The following MYO3A variants were observed in gnomAD, a reference collection of about 807,000 sequenced individuals.
MYO3A encodes the protein myosin IIIA.
Under a neutral mutation model 192.7 loss-of-function variants are expected in MYO3A, and 180 were observed. That is an observed-to-expected ratio of 0.93 (90% confidence interval 0.83 to 1.06). The LOEUF is 1.06. Among genes scored for constraint, MYO3A ranks in the 50% least tolerant of loss-of-function variants. The probability of loss-of-function intolerance (pLI) is 0.00; values close to 1 mark genes in which losing one functional copy is unlikely to be tolerated. For missense variants in MYO3A, 1,896 were observed against 1,905.0 expected, an observed-to-expected ratio of 1.00 and a Z score of 0.09; for synonymous variants, 628 against 645.3, an observed-to-expected ratio of 0.97 and a Z score of 0.41.
intron 34 of MYO3A, among the ~76,000 whole-genome samples, chr10:26,211,531 T>C (rs931497817): frequency 6.6e-6 from 1 of 152,228 alleles, no homozygotes; most frequent in East Asian, 1.9e-4. Context: ...ATTTGTTTAT[T>C]GGTTGTGAAT....
chr10:26,207,696 T>C (rs536224208), intron 34 of MYO3A, among the ~76,000 whole-genome samples: 2 of 152,372 alleles, frequency 1.3e-5, no homozygotes, highest in African/African-American at 4.8e-5. Flanking sequence ...TAGTTTGAAA[T>C]CAGATAGTGT....
Position 26,128,490 on chromosome 10 carries a change from T to C in MYO3A, c.2214T>C (p.Asn738=), listed in dbSNP as rs34803755. 218 of 1,612,856 alleles carry C rather than the reference T, an allele frequency of 1.4e-4. No homozygotes were observed. In the African/African-American group the frequency reaches 2.7e-3, roughly 20 times the overall value. Residue 738 remains asparagine, a synonymous_variant, in exon 20 of 35, where the codon AAT becomes AAC. Transcript: ENST00000642920. ...AGCAGCTGTGCATTAACATTGCAAA[T>C]GAACAAATTCAGTATTATTATAATC... The part of the protein sequence containing the change: ...SFEQLCINIA[N]EQIQYYYNQH...
chr10:26,009,869 G>T (rs1841509882), intron 6 of MYO3A, among the ~76,000 whole-genome samples: 1 of 152,158 alleles, frequency 6.6e-6, no homozygotes, highest in Non-Finnish European at 1.5e-5. Context: ...AGAAATTGTG[G>T]TGGGCAGGAG....
chr10:26,119,482 A>G (rs918698175), intron 17 of MYO3A, among the ~76,000 whole-genome samples: 7 of 152,146 alleles, frequency 4.6e-5, no homozygotes, highest in Admixed American at 2.0e-4. Context: ...TTTGTTGTTT[A>G]TGTATTTATT....
In MYO3A at chr10:26,176,728, A is replaced by G. The variant is rs1312396929; in HGVS notation, c.4321A>G (p.Ile1441Val). The G allele has an allele frequency of 1.2e-6, 2 of 1,610,726 alleles. No homozygotes were observed. The highest frequency in any genetic ancestry group is 1.7e-5 in the Admixed American group (1 of 60,000). Reference protein sequence around the residue: ...QISKLSEEYFILQKKLNEMIL... With the variant: ...QISKLSEEYFVLQKKLNEMIL... ...ATCAAAGTTATCTGAAGAATATTTC[A>G]TTCTGCAGAAAAAATTGAATGAAAT... The change falls in exon 31 of 35, where the codon ATT (isoleucine) becomes GTT (valine). Residue 1441 changes from isoleucine (I) to valine (V), a missense_variant. By Grantham distance (29) the Ile-to-Val change is conservative. Transcript: ENST00000642920.
At chr10:26,155,959 C>G (rs567957536) in intron 25 of MYO3A, among the ~76,000 whole-genome samples, 1 of 152,002 alleles carries the variant, frequency 6.6e-6, no homozygotes, top group Non-Finnish European at 1.5e-5. Context: ...GAAGATAATC[C>G]CACCTAACAT....
chr10:26,122,008 A>G (rs1838895821), intron 18 of MYO3A, among the ~76,000 whole-genome samples: 1 of 152,192 alleles, frequency 6.6e-6, no homozygotes, highest in African/African-American at 2.4e-5. Flanking sequence ...ACCTCAAGGA[A>G]ACATGTTCTA....
chr10:26,123,787 G>A (rs908194379), intron 18 of MYO3A, among the ~76,000 whole-genome samples: 5 of 152,088 alleles, frequency 3.3e-5, no homozygotes, highest in South Asian at 4.1e-4. Flanking sequence ...ATAGCCAGGC[G>A]TGGTGGCGGG....
chr10:25,967,201 G>A lies in MYO3A; in HGVS notation c.303+12193G>A, dbSNP rs551712057. ...AAATATTTAACTGAAAACCCACATA[G>A]ATATATGTAGAGTGTGACTTCAGGC... On this transcript the variant is annotated intron_variant, in intron 4 of 34. Transcript: ENST00000642920. Among the ~76,000 whole-genome samples the A allele has an allele frequency of 1.1e-4, 16 of 152,294 alleles. No individual in the cohort carries two copies. The East Asian group carries it at 2.1e-3, about 20-fold the overall frequency.
intron 6 of MYO3A, among the ~76,000 whole-genome samples, chr10:26,015,581 A>G (rs1841943548): frequency 6.6e-6 from 1 of 152,232 alleles, no homozygotes; most frequent in Admixed American, 6.5e-5. Context: ...AAAATGAGCA[A>G]GTTAGAATTC....
intron 20 of MYO3A, 60 bp downstream of exon 20, chr10:26,128,598 C>T (rs1316327124): frequency 1.1e-5 from 17 of 1,509,604 alleles, no homozygotes; most frequent in Non-Finnish European, 1.6e-5. Context: ...CAGACTTGTA[C>T]AAATGAAGCA....
intron 6 of MYO3A, among the ~76,000 whole-genome samples, chr10:26,009,135 C>A (rs1224773792): frequency 6.7e-6 from 1 of 148,790 alleles, no homozygotes. Context: ...GAACAAAAAA[C>A]CAAACACCAC....
At chr10:26,205,686 G>A (rs1370662890) in intron 34 of MYO3A, among the ~76,000 whole-genome samples, 2 of 135,880 alleles carry the variant, frequency 1.5e-5, no homozygotes, top group African/African-American at 5.6e-5. Context: ...GCACGATCTC[G>A]GCTCACTGCA....
chr10:26,155,288 A>C (rs1159757648), intron 25 of MYO3A, among the ~76,000 whole-genome samples: 2 of 152,176 alleles, frequency 1.3e-5, no homozygotes, highest in Non-Finnish European at 2.9e-5. Context: ...CGAGGAGAAG[A>C]GTCATCAGGA....
intron 12 of MYO3A, 106 bp downstream of exon 12, chr10:26,068,990 TAAAC>T: frequency 1.3e-6 from 1 of 767,922 alleles, no homozygotes; most frequent in Non-Finnish European, 2.2e-6. Flanking sequence ...GTATTTTGAA[TAAAC>T]AGTTACATAA....
At chr10:26,097,532 C>G (rs561067810) in intron 17 of MYO3A, among the ~76,000 whole-genome samples, 6 of 152,022 alleles carry the variant, frequency 3.9e-5, no homozygotes, top group African/African-American at 1.2e-4. Flanking sequence ...GCTATCCCTC[C>G]CCCCTGCCCC....
At chr10:26,016,708 C>T (rs1842002017) in intron 6 of MYO3A, 112 bp from the exon 7 acceptor site, 2 of 994,260 alleles carry the variant, frequency 2.0e-6, no homozygotes, top group Non-Finnish European at 1.6e-6. Flanking sequence ...GGTCCACTGG[C>T]AGGTTTGAGG....
At chr10:26,087,980 A>G (rs957115541) in intron 14 of MYO3A, among the ~76,000 whole-genome samples, 1 of 152,216 alleles carries the variant, frequency 6.6e-6, no homozygotes, top group Non-Finnish European at 1.5e-5. Context: ...GCGCTTGAAT[A>G]GAAAAGTATA....
intron 10 of MYO3A, among the ~76,000 whole-genome samples, chr10:26,044,604 CTGTATATA>C (rs1281040756): frequency 6.6e-6 from 1 of 152,180 alleles, no homozygotes; most frequent in Admixed American, 6.5e-5. Context: ...AACATGGTCT[CTGTATATA>C]ACTAATGCTA....
Sources: gnomAD v4.1 joint callset for allele counts (sites outside exome capture counted in the v4.1 genomes callset) on GRCh38, gnomAD v4.1.1 for gene constraint, MANE v1.5 for transcripts, NCBI Gene and HGNC (gene_info 2026-07-23, HGNC 2026-07-21) for gene names.